The following CCSER1 variants were observed in gnomAD, a reference collection of about 807,000 sequenced individuals.
CCSER1 encodes the protein serine-rich coiled-coil domain-containing protein 1.
CCSER1 carries 41 observed loss-of-function variants against 82.0 expected under a neutral mutation model. The ratio of observed to expected loss-of-function variants is 0.50; its 90% CI spans 0.39 to 0.65. CCSER1 has a LOEUF of 0.65. CCSER1 is among the 30% of genes least tolerant of loss of function. The pLI is 0.00. For synonymous variants in CCSER1, 414 were observed against 383.9 expected, an observed-to-expected ratio of 1.08 and a Z score of -0.92; for missense variants, 1,119 against 1,064.2, an observed-to-expected ratio of 1.05 and a Z score of -0.72.
chr4:90,744,248 A>G (rs774193318), intron 7 of CCSER1, among the ~76,000 whole-genome samples: 4 of 152,272 alleles, frequency 2.6e-5, no homozygotes, highest in Non-Finnish European at 5.9e-5. Context: ...TACAGAAACT[A>G]TACGTATTCG....
At chr4:91,441,024 C>T (rs1293135318) in intron 10 of CCSER1, among the ~76,000 whole-genome samples, 15 of 151,834 alleles carry the variant, frequency 9.9e-5, no homozygotes, top group East Asian at 9.7e-4. Flanking sequence ...GATTCACAGC[C>T]GAATTCTACC....
intron 10 of CCSER1, among the ~76,000 whole-genome samples, chr4:91,423,611 T>C (rs1753802830): frequency 6.6e-6 from 1 of 152,154 alleles, no homozygotes; most frequent in Admixed American, 6.5e-5. Flanking sequence ...AAACTTATTT[T>C]ATAGGTAATG....
rs371115368 is a variant in CCSER1, at chr4:91,115,859, ATTTT to A, written c.2217+29871_2217+29874del. Among the ~76,000 whole-genome samples, 39 of 102,238 alleles carry A rather than the reference ATTTT, an allele frequency of 3.8e-4. 2 individuals are homozygous for A. In the South Asian group the frequency reaches 0.012, roughly 33 times the overall value. The allele number at this position is 102,238 out of a possible 152,430, so 67.1% of individuals were successfully genotyped here. On this transcript the variant is annotated intron_variant, in intron 10 of 10. Transcript: ENST00000509176. Reference sequence around the variant, plus strand: ...CATTCTTTTATATATATATATATATATTTTTTTTTATTATACTTTAAGTTCTAGG... The same window carrying A: ...CATTCTTTTATATATATATATATATATTTTTATTATACTTTAAGTTCTAGG...
chr4:91,430,916 T>C (rs1164628330), intron 10 of CCSER1, among the ~76,000 whole-genome samples: 1 of 152,216 alleles, frequency 6.6e-6, no homozygotes, highest in African/African-American at 2.4e-5. Context: ...TCTGTTTTAT[T>C]GTATATAAGC....
intron 6 of CCSER1, among the ~76,000 whole-genome samples, chr4:90,668,995 A>G (rs1732305767): frequency 6.6e-6 from 1 of 152,102 alleles, no homozygotes; most frequent in Non-Finnish European, 1.5e-5. Flanking sequence ...AGAAATGCAA[A>G]GCAAATGAAG....
rs377572326 is a variant in CCSER1 at position 90,476,474 on chromosome 4, C to A, written c.1724+8120C>A. Among the ~76,000 whole-genome samples the A allele has an allele frequency of 6.6e-5, 10 of 151,936 alleles. No individual in the cohort carries two copies. The South Asian group carries it at 2.1e-3, about 32-fold the overall frequency. ...TGCCAGGCCTTGGTGGAAAGGCAGC[C>A]GGCTAGATGTTTTGTCAACTATGCT... On this transcript the variant is annotated intron_variant, in intron 5 of 10. Coordinates refer to ENST00000509176, the MANE Select transcript of CCSER1 (RefSeq NM_001145065.2).
chr4:90,947,008 G>A (rs1339083662), intron 9 of CCSER1, among the ~76,000 whole-genome samples: 1 of 152,172 alleles, frequency 6.6e-6, no homozygotes, highest in African/African-American at 2.4e-5. Flanking sequence ...CCTCTGTTAT[G>A]TTGCAGTCTC....
chr4:91,288,175 CAT>C (rs1304522290), intron 10 of CCSER1, among the ~76,000 whole-genome samples: 1 of 136,110 alleles, frequency 7.3e-6, no homozygotes, highest in African/African-American at 2.7e-5. Context: ...TACACACACA[CAT>C]ATACACATAC....
intron 6 of CCSER1, among the ~76,000 whole-genome samples, chr4:90,685,861 C>A (rs1734734105): frequency 6.6e-6 from 1 of 152,188 alleles, no homozygotes; most frequent in African/African-American, 2.4e-5. Flanking sequence ...TTCTGCAAAT[C>A]TGACAGTTGT....
intron 10 of CCSER1, among the ~76,000 whole-genome samples, chr4:91,476,046 G>A (rs1264823802): frequency 1.3e-5 from 2 of 151,722 alleles, no homozygotes; most frequent in African/African-American, 4.8e-5. Context: ...TACATCGATG[G>A]ACATTTAGGT....
chr4:90,773,039 G>A (rs562431065), intron 7 of CCSER1, among the ~76,000 whole-genome samples: 3 of 152,210 alleles, frequency 2.0e-5, no homozygotes, highest in South Asian at 4.2e-4. Context: ...TCGGGAGTTC[G>A]AGACCAGCCT....
At chr4:90,609,481 T>A (rs1193227478) in intron 5 of CCSER1, among the ~76,000 whole-genome samples, 2 of 151,472 alleles carry the variant, frequency 1.3e-5, no homozygotes, top group African/African-American at 4.9e-5. Context: ...TTCCTTTTGA[T>A]AGAACAAAAC....
At chr4:90,187,450 C>CAA (rs1433329452) in intron 1 of CCSER1, among the ~76,000 whole-genome samples, 1 of 149,838 alleles carries the variant, frequency 6.7e-6, no homozygotes, top group Admixed American at 6.7e-5. Flanking sequence ...CACACACACA[C>CAA]AAACTCAATT....
intron 3 of CCSER1, among the ~76,000 whole-genome samples, chr4:90,373,847 G>A (rs1747871423): frequency 6.6e-6 from 1 of 152,122 alleles, no homozygotes; most frequent in African/African-American, 2.4e-5. Flanking sequence ...TACTACCCAT[G>A]GTAAAATATT....
intron 9 of CCSER1, among the ~76,000 whole-genome samples, chr4:90,970,771 A>G (rs1047301454): frequency 2.0e-5 from 3 of 152,034 alleles, no homozygotes; most frequent in Non-Finnish European, 1.5e-5. Flanking sequence ...CTAGAAATCA[A>G]TAAGAGGAAG....
chr4:91,431,162 G>C (rs544388595), intron 10 of CCSER1, among the ~76,000 whole-genome samples: 3 of 152,246 alleles, frequency 2.0e-5, no homozygotes, highest in Admixed American at 1.3e-4. Flanking sequence ...CGTGAACCCG[G>C]GAGGCGGAAC....
chr4:90,687,628 G>T (rs72661864), intron 6 of CCSER1, among the ~76,000 whole-genome samples: 2,885 of 152,204 alleles, frequency 0.019, 47 homozygotes, highest in Non-Finnish European at 0.027. Context: ...ATTAGGAATA[G>T]AAACATTCCT....
intron 5 of CCSER1, among the ~76,000 whole-genome samples, chr4:90,489,601 A>G (rs1174439967): frequency 6.6e-6 from 1 of 152,144 alleles, no homozygotes; most frequent in African/African-American, 2.4e-5. Flanking sequence ...TACATGCACC[A>G]TGTTGGTGTG....
chr4:90,560,187 G>A (rs1293341888), intron 5 of CCSER1, among the ~76,000 whole-genome samples: 1 of 152,016 alleles, frequency 6.6e-6, no homozygotes, highest in Non-Finnish European at 1.5e-5. Flanking sequence ...AATCAGAGGG[G>A]AAATAATAGG....
Sources: gnomAD v4.1 joint callset for allele counts (sites outside exome capture counted in the v4.1 genomes callset) on GRCh38, gnomAD v4.1.1 for gene constraint, MANE v1.5 for transcripts, NCBI Gene and HGNC (gene_info 2026-07-23, HGNC 2026-07-21) for gene names.